Variants in ZFAND4 observed in about 807,000 individuals in gnomAD.
ZFAND4 encodes the protein zinc finger AN1-type containing 4, also known as AN1-type zinc finger protein 4.
A neutral mutation model predicts 64.4 loss-of-function variants in ZFAND4; 43 were observed. The observed-to-expected ratio is 0.67, with a 90% CI of 0.52 to 0.86. ZFAND4 has a LOEUF of 0.86. ZFAND4 is among the 40% of genes least tolerant of loss of function. The pLI is 0.00. For missense variants in ZFAND4, 929 were observed against 859.8 expected, an observed-to-expected ratio of 1.08 and a Z score of -1.01; for synonymous variants, 296 against 305.7, an observed-to-expected ratio of 0.97 and a Z score of 0.33.
At chr10:45,660,841 A>C (rs1032754241) in intron 2 of ZFAND4, among the ~76,000 whole-genome samples, 3 of 152,212 alleles carry the variant, frequency 2.0e-5, no homozygotes, top group Non-Finnish European at 4.4e-5. Context: ...GAAATGAAGG[A>C]GAAATACTTT....
At chr10:45,641,791 G>A (rs1233987162) in intron 5 of ZFAND4, among the ~76,000 whole-genome samples, 1 of 152,136 alleles carries the variant, frequency 6.6e-6, no homozygotes, top group African/African-American at 2.4e-5. Flanking sequence ...AACTACATAA[G>A]GTAGATATTA....
At chr10:45,645,009 TCTCA>T (rs373791194) in intron 5 of ZFAND4, among the ~76,000 whole-genome samples, 1,383 of 119,416 alleles carry the variant, frequency 0.012, 15 homozygotes, top group Non-Finnish European at 0.014. Flanking sequence ...TGAGAGGGGG[TCTCA>T]CTCTGTCACC....
chr10:45,629,266 T>C (rs2046049660), intron 6 of ZFAND4, among the ~76,000 whole-genome samples: 1 of 152,020 alleles, frequency 6.6e-6, no homozygotes, highest in African/African-American at 2.4e-5. Context: ...TCTCCCTATG[T>C]TGACAGGCTG....
At chr10:45,649,040 G>A (rs1446824173) in intron 4 of ZFAND4, 20 of 674,400 alleles carry the variant, frequency 3.0e-5, no homozygotes, top group East Asian at 2.7e-4. Flanking sequence ...AGGCCGAGGC[G>A]GGCAGATCAT....
intron 6 of ZFAND4, among the ~76,000 whole-genome samples, chr10:45,632,632 A>C (rs565313321): frequency 3.8e-4 from 58 of 152,292 alleles, no homozygotes; most frequent in Non-Finnish European, 6.9e-4. Flanking sequence ...TATTAATGTA[A>C]AGTGAATCAA....
At chr10:45,635,150 T>C (rs1589301090) in intron 6 of ZFAND4, among the ~76,000 whole-genome samples, 1 of 118,532 alleles carries the variant, frequency 8.4e-6, no homozygotes, top group Non-Finnish European at 1.8e-5. Context: ...ATCCTAAAAT[T>C]TACATGGAAC....
In ZFAND4 at chr10:45,626,413, T is replaced by A. The variant is rs757989331; in HGVS notation, c.1410A>T (p.Arg470Ser). 1 of 1,613,568 alleles carries A rather than the reference T, an allele frequency of 6.2e-7. No homozygotes were observed. Among genetic ancestry groups the A allele is most frequent in the Non-Finnish European group, 8.5e-7 (1 of 1,179,976 alleles). Residue 470 changes from arginine (R) to serine (S), a missense_variant, in exon 7 of 10, where the codon AGA (arginine) becomes AGT (serine). Arg to Ser is a moderately radical substitution (Grantham distance 110). Coordinates refer to ENST00000344646, the MANE Select transcript of ZFAND4 (RefSeq NM_174890.4). ...CAGAACAGCGAAGAGGTGACAAGAG[T>A]CTATTCTTGTGAGGACTTAATTCCC... is the stretch of plus-strand genomic sequence containing the variant. ...NYRELSPHKNRLLSPLRCSAP... is the reference protein window; with the variant it reads ...NYRELSPHKNSLLSPLRCSAP...
At chr10:45,671,302 C>G (rs1472710852) in intron 1 of ZFAND4, among the ~76,000 whole-genome samples, 1 of 152,190 alleles carries the variant, frequency 6.6e-6, no homozygotes, top group African/African-American at 2.4e-5. Context: ...ACTAGAAATA[C>G]CATTTGACCC....
rs1479526638 is a variant in ZFAND4, at chr10:45,648,466, T to G, written c.397A>C (p.Lys133Gln). 6.2e-7 allele frequency: 1 copy of G among 1,613,818 alleles called. No individual in the cohort carries two copies. Among genetic ancestry groups the G allele is most frequent in the Non-Finnish European group, 8.5e-7 (1 of 1,179,928 alleles). ...GTAACTTGTTTGCTGCAGGAGGTCT[T>G]CTCCCAGACCTCAACTCGACTGGAA... ...LDSSRVEVWEKTSCSKQVTFL... is the reference protein window; with the variant it reads ...LDSSRVEVWEQTSCSKQVTFL... Residue 133 changes from lysine to glutamine, a missense_variant, in exon 5 of 10, where the codon AAG becomes CAG. Physicochemically the swap from Lys to Gln is moderately conservative, Grantham distance 53 (BLOSUM62 1). Transcript: ENST00000344646.
Position 45,625,910 on chromosome 10 carries a change from C to A in ZFAND4, c.1872+41G>T, listed in dbSNP as rs776345308. 1.9e-6 allele frequency: 3 copies of A among 1,561,634 alleles called. No homozygotes were observed. In the East Asian group the frequency reaches 6.7e-5, roughly 35 times the overall value. On this transcript the variant is annotated intron_variant, in intron 7 of 9. Coordinates refer to ENST00000344646, the MANE Select transcript of ZFAND4 (RefSeq NM_174890.4). The stretch of plus-strand genomic sequence containing the variant: ...AAACTTTAAATAAGTTGAATCACTA[C>A]AAGGATAACTACTAGAGCATGTTGA...
chr10:45,652,182 C>A, intron 3 of ZFAND4, 149 bp from the exon 4 acceptor site: 2 of 697,446 alleles, frequency 2.9e-6, no homozygotes, highest in South Asian at 1.7e-5. Flanking sequence ...AAAATGTTAA[C>A]ATATTTACTG....
rs1281276359 is a variant in ZFAND4 at position 45,616,515 on chromosome 10, T to A, written c.2105A>T (p.Tyr702Phe). 1.9e-6 allele frequency: 3 copies of A among 1,614,082 alleles called. No individual in the cohort carries two copies. The South Asian group carries it at 3.3e-5, about 18-fold the overall frequency. ...TCTCCTCCCTGCACTCTTGTAATCA[T>A]AGGTACAGCCATGAGTTTCTGCATA... ...HRYAETHGCT[Y>F]DYKSAGRRYL... The change falls in exon 10 of 10, where the codon TAT becomes TTT. Residue 702 changes from tyrosine (Y) to phenylalanine (F), a missense_variant. Coordinates refer to ENST00000344646, the MANE Select transcript of ZFAND4 (RefSeq NM_174890.4).
Position 45,667,595 on chromosome 10 carries a change from A to G in ZFAND4, c.-117-3753T>C, listed in dbSNP as rs142306443. On this transcript the variant is annotated intron_variant, in intron 1 of 9. Coordinates refer to ENST00000344646, the MANE Select transcript of ZFAND4 (RefSeq NM_174890.4). ...GCGATTCGCCTGTCTCAGCTTCCCA[A>G]ATAGCTGGGATTACAGGCACCTGCC... 7.6e-3 allele frequency among the ~76,000 whole-genome samples: 1,153 copies of G among 151,738 alleles called. 72 individuals carry two copies. In the East Asian group the frequency reaches 0.16, roughly 21 times the overall value.
At position 45,626,904 on chromosome 10, in the gene ZFAND4, T is replaced by C. The variant is rs1309807076; in HGVS notation, c.919A>G (p.Arg307Gly). The C allele has an allele frequency of 4.3e-6, 7 of 1,614,230 alleles. No homozygotes were observed. The highest frequency in any genetic ancestry group is 5.1e-6 in the Non-Finnish European group (6 of 1,180,028). ...SSLATQLSAERYISSITGEFL... is the reference protein window; with the variant it reads ...SSLATQLSAEGYISSITGEFL... ...TCACCAGTGATAGAAGATATGTATC[T>C]CTCAGCAGAGAGTTGAGTTGCCAAA... is the stretch of plus-strand genomic sequence containing the variant. The change falls in exon 7 of 10, where the codon AGA becomes GGA. Residue 307 changes from arginine (R) to glycine (G), a missense_variant. Arg to Gly is a moderately radical substitution (Grantham distance 125, BLOSUM62 -2). Coordinates refer to ENST00000344646, the MANE Select transcript of ZFAND4 (RefSeq NM_174890.4).
Position 45,616,095 on chromosome 10 carries a change from A to G in ZFAND4, c.*341T>C. ...GACTGCTCATTCTGTACAATGTGGAAGCCTGGTTATTTAGGAAATATTTCG... is the reference window on the plus strand; with the variant it reads ...GACTGCTCATTCTGTACAATGTGGAGGCCTGGTTATTTAGGAAATATTTCG... On this transcript the variant is annotated 3_prime_UTR_variant, in exon 10 of 10. Transcript: ENST00000344646. 1 of 235,702 alleles carries G rather than the reference A, an allele frequency of 4.2e-6. No homozygotes were observed. Among genetic ancestry groups the G allele is most frequent in the Non-Finnish European group, 8.3e-6 (1 of 120,136 alleles). 14.6% of individuals were successfully genotyped at this position (235,702 alleles called of 1,614,324 possible). A position where few individuals can be genotyped will look rare whatever the true frequency, so the allele number is the denominator to read the frequency against.
intron 6 of ZFAND4, among the ~76,000 whole-genome samples, chr10:45,638,502 C>CA (rs1468237235): frequency 6.6e-6 from 1 of 150,592 alleles, no homozygotes; most frequent in African/African-American, 2.4e-5. Flanking sequence ...AAACAAAAAA[C>CA]AAAAAAACAA....
chr10:45,637,260 G>T (rs754330501), intron 6 of ZFAND4, among the ~76,000 whole-genome samples: 3 of 147,364 alleles, frequency 2.0e-5, no homozygotes, highest in Non-Finnish European at 4.4e-5. Context: ...AGAATCACTT[G>T]AACCAAGGAG....
At chr10:45,635,195 C>CAA (rs1173808756) in intron 6 of ZFAND4, among the ~76,000 whole-genome samples, 725 of 27,610 alleles carry the variant, frequency 0.026, 23 homozygotes, top group African/African-American at 0.063. Context: ...GCCATCTAAG[C>CAA]AAAAAAAAAA....
chr10:45,666,113 G>A (rs967562261), intron 1 of ZFAND4, among the ~76,000 whole-genome samples: 5 of 152,062 alleles, frequency 3.3e-5, no homozygotes, highest in African/African-American at 4.8e-5. Context: ...TCTTATGTTT[G>A]GCAATTTGTG....
Sources: gnomAD v4.1 joint callset for allele counts (sites outside exome capture counted in the v4.1 genomes callset) on GRCh38, gnomAD v4.1.1 for gene constraint, MANE v1.5 for transcripts, NCBI Gene and HGNC (gene_info 2026-07-23, HGNC 2026-07-21) for gene names.